The following TRAF2 variants were observed in gnomAD, a reference collection of about 807,000 sequenced individuals.
The protein encoded by TRAF2 is TNF receptor associated factor 2.
TRAF2 carries 6 observed loss-of-function variants against 55.6 expected under a neutral mutation model. The observed-to-expected ratio is 0.11, with a 90% CI of 0.06 to 0.21. The LOEUF is 0.21. Ranked by LOEUF, TRAF2 falls within the 10% of genes least tolerant of loss-of-function variation. The pLI, the probability that TRAF2 is intolerant of heterozygous loss-of-function variation, is 1.00. For synonymous variants in TRAF2, 329 were observed against 276.3 expected, an observed-to-expected ratio of 1.19 and a Z score of -1.89; for missense variants, 561 against 684.5, an observed-to-expected ratio of 0.82 and a Z score of 2.01.
intron 1 of TRAF2, among the ~76,000 whole-genome samples, chr9:136,896,275 C>T (rs1849677804): frequency 6.6e-6 from 1 of 152,230 alleles, no homozygotes; most frequent in South Asian, 2.1e-4. Flanking sequence ...GAAGGAGGAG[C>T]ATGGCAGGCG....
At chr9:136,882,087 G>A, upstream of TRAF2, 1 of 973,970 alleles carries the variant, frequency 1.0e-6, no homozygotes, top group Non-Finnish European at 1.2e-6. Flanking sequence ...CTTGTTCATG[G>A]TCCCGTGGGG....
chr9:136,885,645 G>A (rs1849430611), upstream of TRAF2, among the ~76,000 whole-genome samples: 1 of 152,214 alleles, frequency 6.6e-6, no homozygotes, highest in Non-Finnish European at 1.5e-5. Context: ...GCGGGCGCCT[G>A]TAGTCCCAGC....
chr9:136,907,472 G>A (rs1031061581), intron 4 of TRAF2, among the ~76,000 whole-genome samples: 3 of 152,238 alleles, frequency 2.0e-5, no homozygotes, highest in African/African-American at 7.2e-5. Context: ...TTTCAGATGC[G>A]TGTGCTGTGC....
At chr9:136,885,629 G>A (rs1849430103), upstream of TRAF2, among the ~76,000 whole-genome samples, 1 of 152,146 alleles carries the variant, frequency 6.6e-6, no homozygotes, top group Non-Finnish European at 1.5e-5. Context: ...TTAGCCGGGC[G>A]TGATGGCGGG....
At chr9:136,903,618 G>C (rs1373203264) in intron 4 of TRAF2, among the ~76,000 whole-genome samples, 1 of 151,880 alleles carries the variant, frequency 6.6e-6, no homozygotes, top group East Asian at 1.9e-4. Context: ...ATCTGCTGCA[G>C]GACAACCCTG....
rs189628995 is a variant in TRAF2, at chr9:136,900,218, C to T, written c.268-204C>T. Among the ~76,000 whole-genome samples the T allele has an allele frequency of 8.4e-4, 127 of 150,560 alleles. 1 individual carries two copies. The highest frequency in any genetic ancestry group is 3.0e-3 in the African/African-American group (123 of 41,034). Reference sequence around the variant, plus strand: ...CCGCCAGAAGTTGTCCCTTAGCAGACTCCTGAAGTTTAGGGTTTGGAAACT... The same window carrying T: ...CCGCCAGAAGTTGTCCCTTAGCAGATTCCTGAAGTTTAGGGTTTGGAAACT... On this transcript the variant is annotated intron_variant, in intron 3 of 10. Coordinates refer to ENST00000247668, the MANE Select transcript of TRAF2 (RefSeq NM_021138.4).
chr9:136,909,885 G>A (rs367981029), intron 5 of TRAF2, 35 bp from the exon 6 acceptor site: 91 of 1,612,262 alleles, frequency 5.6e-5, no homozygotes, highest in African/African-American at 9.3e-5. Context: ...TGGCATTGGC[G>A]TCCACCCTCA....
chr9:136,924,784 GGCTGGAGT>G (rs1196499086), intron 10 of TRAF2, among the ~76,000 whole-genome samples: 1 of 152,076 alleles, frequency 6.6e-6, no homozygotes, highest in Non-Finnish European at 1.5e-5. Flanking sequence ...CTGTCGCCCA[GGCTGGAGT>G]GCAGTGGCAT....
chr9:136,892,445 C>T (rs1181373204), intron 1 of TRAF2, among the ~76,000 whole-genome samples: 1 of 151,934 alleles, frequency 6.6e-6, no homozygotes, highest in Admixed American at 6.6e-5. Context: ...GCCTGGGCGA[C>T]AGAGCGAGAC....
chr9:136,912,152 CTTTTTTTTTT>C lies in TRAF2; in HGVS notation c.603+2176_603+2185del, dbSNP rs1180324647. 1.9e-4 allele frequency among the ~76,000 whole-genome samples: 11 copies of C among 58,332 alleles called. 1 individual carries two copies. The highest frequency in any genetic ancestry group is 6.1e-4 in the African/African-American group (8 of 13,192). The allele number at this position is 58,332 out of a possible 152,430, so 38.3% of individuals were successfully genotyped here. ...CAGGCGTGAGCCACTGCGTCTGGCC[CTTTTTTTTTT>C]TTTTTTTTTTTTTTTTTGGAGACAG... On this transcript the variant is annotated intron_variant, in intron 6 of 10. Transcript: ENST00000247668.
chr9:136,901,574 C>T (rs1284780914), intron 4 of TRAF2, among the ~76,000 whole-genome samples: 2 of 152,160 alleles, frequency 1.3e-5, no homozygotes, highest in African/African-American at 4.8e-5. Context: ...TCCATGGGTA[C>T]AGGAAGTAGA....
At chr9:136,884,689 T>C (rs1029608586), upstream of TRAF2, among the ~76,000 whole-genome samples, 1 of 152,252 alleles carries the variant, frequency 6.6e-6, no homozygotes, top group East Asian at 1.9e-4. Flanking sequence ...TCCAAGCAGT[T>C]GGGACTACAG....
At position 136,900,626 on chromosome 9, in the gene TRAF2, G is replaced by C. The variant is rs771493103; in HGVS notation, c.366+106G>C. 5 of 879,870 alleles carry C rather than the reference G, an allele frequency of 5.7e-6. No individual in the cohort carries two copies. The South Asian group carries it at 7.0e-5, about 12-fold the overall frequency. 54.5% of individuals were successfully genotyped at this position (879,870 alleles called of 1,614,324 possible). On this transcript the variant is annotated intron_variant, in intron 4 of 10. Coordinates refer to ENST00000247668, the MANE Select transcript of TRAF2 (RefSeq NM_021138.4). ...TGTCCTGCACGTTCCTCTCACTGGG[G>C]CTGAAGCCTGTCTGATGTCTGTGGA... is the stretch of plus-strand genomic sequence containing the variant.
intron 1 of TRAF2, among the ~76,000 whole-genome samples, chr9:136,895,266 G>A (rs1487952461): frequency 6.6e-6 from 1 of 152,184 alleles, no homozygotes; most frequent in Non-Finnish European, 1.5e-5. Context: ...CACTCCTGGG[G>A]CCACAGCCTT....
intron 4 of TRAF2, among the ~76,000 whole-genome samples, chr9:136,904,128 C>T (rs184326203): frequency 4.6e-5 from 7 of 152,354 alleles, no homozygotes; most frequent in East Asian, 1.9e-4. Flanking sequence ...CCCTTCAACC[C>T]CCCACACACA....
Position 136,921,228 on chromosome 9 carries a change from G to C in TRAF2, c.1138+13G>C. ...ATCTTCTCCCCAGGTGTGGTTCTAG[G>C]ACCCCCACCTCACTGCAGCTGCTGT... is the stretch of plus-strand genomic sequence containing the variant. On this transcript the variant is annotated intron_variant, in intron 9 of 10. Transcript: ENST00000247668. 6.2e-7 allele frequency: 1 copy of C among 1,613,068 alleles called. No individual in the cohort carries two copies. Among genetic ancestry groups the C allele is most frequent in the Non-Finnish European group, 8.5e-7 (1 of 1,179,672 alleles).
At chr9:136,895,020 T>C (rs1849652065) in intron 1 of TRAF2, among the ~76,000 whole-genome samples, 1 of 152,166 alleles carries the variant, frequency 6.6e-6, no homozygotes, top group Non-Finnish European at 1.5e-5. Flanking sequence ...TGGGTTTGGC[T>C]GAGTCCCTGG....
At chr9:136,917,130 C>T (rs1190900103) in intron 7 of TRAF2, among the ~76,000 whole-genome samples, 1 of 152,202 alleles carries the variant, frequency 6.6e-6, no homozygotes, top group Admixed American at 6.5e-5. Context: ...CTGCCCTGTC[C>T]ACATCATCCT....
chr9:136,901,683 C>CTG (rs1181101376), intron 4 of TRAF2, among the ~76,000 whole-genome samples: 2 of 152,210 alleles, frequency 1.3e-5, no homozygotes, highest in Non-Finnish European at 2.9e-5. Flanking sequence ...GTTGGTGAGG[C>CTG]TGTGAGGGCT....
Sources: gnomAD v4.1 joint callset for allele counts (sites outside exome capture counted in the v4.1 genomes callset) on GRCh38, gnomAD v4.1.1 for gene constraint, MANE v1.5 for transcripts, NCBI Gene and HGNC (gene_info 2026-07-23, HGNC 2026-07-21) for gene names.